CLCN3: variants seen among roughly 807,000 people sequenced by gnomAD.
The protein encoded by CLCN3 is H(+)/Cl(-) exchange transporter 3.
Under a neutral mutation model 83.4 loss-of-function variants are expected in CLCN3, and 16 were observed. That is an observed-to-expected ratio of 0.19 (90% CI 0.13 to 0.29). The LOEUF is 0.29. Ranked by LOEUF, CLCN3 falls within the 10% of genes least tolerant of loss-of-function variation. The pLI is 1.00. For missense variants in CLCN3, 544 were observed against 1,006.0 expected (o/e 0.54, Z 6.21); for synonymous variants, 322 against 346.2 (o/e 0.93, Z 0.78).
chr4:169,635,245 C>G (rs1293965327), intron 1 of CLCN3, among the ~76,000 whole-genome samples: 1 of 152,140 alleles, frequency 6.6e-6, no homozygotes, highest in Non-Finnish European at 1.5e-5. Context: ...TGTCCCCATA[C>G]TTATGTTGAA....
chr4:169,646,587 C>T (rs1730580886), intron 2 of CLCN3, among the ~76,000 whole-genome samples: 1 of 152,172 alleles, frequency 6.6e-6, no homozygotes, highest in South Asian at 2.1e-4. Context: ...TGAGCCACAG[C>T]ACTCAGACCT....
Position 169,697,649 on chromosome 4 carries a change from G to A in CLCN3, c.1478G>A (p.Gly493Asp), listed in dbSNP as rs1482475586. 2 of 1,613,798 alleles carry A rather than the reference G, an allele frequency of 1.2e-6. No individual in the cohort carries two copies. The highest frequency in any genetic ancestry group is 1.7e-6 in the Non-Finnish European group (2 of 1,179,764). The change falls in exon 9 of 13, where the codon GGC becomes GAC. Residue 493 changes from glycine to aspartate, a missense_variant. By Grantham distance (94) the Gly-to-Asp change is moderately conservative. Coordinates refer to ENST00000513761, the MANE Select transcript of CLCN3 (RefSeq NM_001829.4). ...GATGACATTCCTGATCGTCCAGCAG[G>A]CATTGGAGTATATTCAGCTATATGG... is the stretch of plus-strand genomic sequence containing the variant. Reference protein sequence around the residue: ...IVDDIPDRPAGIGVYSAIWQL... With the variant: ...IVDDIPDRPADIGVYSAIWQL...
intron 12 of CLCN3, among the ~76,000 whole-genome samples, chr4:169,714,856 A>G (rs775915006): frequency 3.9e-4 from 60 of 152,282 alleles, no homozygotes; most frequent in Non-Finnish European, 6.9e-4. Context: ...AGATGTATTC[A>G]TAAGTTATTA....
chr4:169,702,068 G>A (rs896949523), intron 9 of CLCN3, among the ~76,000 whole-genome samples: 13 of 152,308 alleles, frequency 8.5e-5, no homozygotes, highest in Admixed American at 5.2e-4. Flanking sequence ...CAACTCCTGG[G>A]ATCTTATCGG....
intron 2 of CLCN3, among the ~76,000 whole-genome samples, chr4:169,677,922 T>C (rs1245532816): frequency 6.6e-6 from 1 of 152,250 alleles, no homozygotes; most frequent in Non-Finnish European, 1.5e-5. Context: ...TTTAATGTCC[T>C]TCCTGATACA....
chr4:169,638,281 A>C (rs1039144164), intron 2 of CLCN3, among the ~76,000 whole-genome samples: 3 of 152,096 alleles, frequency 2.0e-5, no homozygotes, highest in African/African-American at 7.2e-5. Flanking sequence ...AGAATACTTT[A>C]CCTCTTTTTA....
chr4:169,652,584 A>G (rs986344227), intron 2 of CLCN3, among the ~76,000 whole-genome samples: 2 of 152,200 alleles, frequency 1.3e-5, no homozygotes, highest in Non-Finnish European at 2.9e-5. Context: ...GGTTACTAAC[A>G]ATGCTACTTT....
chr4:169,720,551 TC>T lies in CLCN3; in HGVS notation c.*555del. 6.5e-6 allele frequency: 1 copy of T among 152,898 alleles called. No homozygotes were observed. Among genetic ancestry groups the T allele is most frequent in the Non-Finnish European group, 1.5e-5 (1 of 68,460 alleles). The allele number at this position is 152,898 out of a possible 1,614,324, so 9.5% of individuals were successfully genotyped here. A position where few individuals can be genotyped will look rare whatever the true frequency, so the allele number is the denominator to read the frequency against. ...TTCTCTCTCTCTCTCTCTCTCTCTC[TC>T]TCTCTCTACTGAGCTGTAACAAAGC... On this transcript the variant is annotated 3_prime_UTR_variant, in exon 13 of 13. Transcript: ENST00000513761.
chr4:169,671,956 A>G (rs1731473964), intron 2 of CLCN3, among the ~76,000 whole-genome samples: 1 of 152,126 alleles, frequency 6.6e-6, no homozygotes, highest in Non-Finnish European at 1.5e-5. Flanking sequence ...TCACGCCTGT[A>G]ATCCCGACAC....
In CLCN3 at chr4:169,620,864, A is replaced by G. The variant is rs1215999264; in HGVS notation, c.-216A>G. The G allele has an allele frequency of 7.5e-6, 3 of 398,460 alleles. No individual in the cohort carries two copies. Among genetic ancestry groups the G allele is most frequent in the Non-Finnish European group, 1.3e-5 (3 of 226,048 alleles). 24.7% of individuals were successfully genotyped at this position (398,460 alleles called of 1,614,324 possible). A position where few individuals can be genotyped will look rare whatever the true frequency, so the allele number is the denominator to read the frequency against. On this transcript the variant is annotated 5_prime_UTR_variant, in exon 1 of 13. In the 5' UTR this introduces an upstream ATG that the reference lacks. Transcript: ENST00000513761. The stretch of plus-strand genomic sequence containing the variant: ...GCTCCCGTGTTTGAAGGAGGACAAT[A>G]AAAGTCCCACCGGGCAAAATTTTCG...
chr4:169,694,438 T>C (rs1193150526), intron 7 of CLCN3, among the ~76,000 whole-genome samples: 1 of 152,204 alleles, frequency 6.6e-6, no homozygotes, highest in Non-Finnish European at 1.5e-5. Context: ...CATTTACAGC[T>C]TAATTTTTAT....
At chr4:169,703,648 T>G in intron 9 of CLCN3, among the ~76,000 whole-genome samples, 1 of 151,742 alleles carries the variant, frequency 6.6e-6, no homozygotes, top group Non-Finnish European at 1.5e-5. Flanking sequence ...GTATATATTG[T>G]ATCCAGCATA....
intron 2 of CLCN3, among the ~76,000 whole-genome samples, chr4:169,672,258 A>ATAGATAGATAGATAGG (rs1212913892): frequency 6.6e-6 from 1 of 152,002 alleles, no homozygotes; most frequent in Non-Finnish European, 1.5e-5. Context: ...AGATAGATAG[A>ATAGATAGATAGATAGG]TAAAATGAGG....
chr4:169,668,885 C>T (rs896648546), intron 2 of CLCN3, among the ~76,000 whole-genome samples: 13 of 152,286 alleles, frequency 8.5e-5, no homozygotes, highest in Middle Eastern at 6.8e-3. Flanking sequence ...TTCTGATTAA[C>T]ACTGTGCTCA....
At chr4:169,688,532 T>A (rs751369021) in intron 4 of CLCN3, among the ~76,000 whole-genome samples, 14 of 152,080 alleles carry the variant, frequency 9.2e-5, no homozygotes, top group Non-Finnish European at 1.6e-4. Flanking sequence ...CTGATCTCTT[T>A]ATGTAAGAAG....
intron 2 of CLCN3, among the ~76,000 whole-genome samples, chr4:169,678,695 A>T (rs566468457): frequency 6.6e-6 from 1 of 152,294 alleles, no homozygotes; most frequent in South Asian, 2.1e-4. Context: ...TTTAACCCTG[A>T]GTTGACATAG....
chr4:169,718,448 G>A (rs1733508191), intron 12 of CLCN3, among the ~76,000 whole-genome samples: 1 of 152,038 alleles, frequency 6.6e-6, no homozygotes. Context: ...GCTATACCCT[G>A]CATATCTTCA....
At chr4:169,622,138 T>C (rs927260610) in intron 1 of CLCN3, among the ~76,000 whole-genome samples, 11 of 152,214 alleles carry the variant, frequency 7.2e-5, no homozygotes, top group African/African-American at 2.2e-4. Context: ...GCTGCTTTAC[T>C]TGAATGATGA....
intron 11 of CLCN3, among the ~76,000 whole-genome samples, chr4:169,712,142 C>T (rs143462669): frequency 4.9e-4 from 75 of 151,612 alleles, no homozygotes; most frequent in African/African-American, 1.7e-3. Flanking sequence ...GGATTACAAG[C>T]CTGAGCCACC....
Sources: allele counts gnomAD v4.1 joint callset (sites outside exome capture counted in the v4.1 genomes callset), GRCh38; gene constraint gnomAD v4.1.1; transcripts MANE v1.5; gene names NCBI Gene and HGNC (gene_info 2026-07-23, HGNC 2026-07-21).